SLC14A2: variants seen among roughly 807,000 people sequenced by gnomAD.
SLC14A2 encodes urea transporter 2.
A neutral mutation model predicts 104.6 loss-of-function variants in SLC14A2; 91 were observed. That is an observed-to-expected ratio of 0.87 (90% CI 0.73 to 1.04). The LOEUF (loss-of-function observed/expected upper bound fraction) is 1.04, where lower values mean the gene tolerates loss of function less well. SLC14A2 is among the 50% of genes least tolerant of loss of function. SLC14A2 has a pLI of 0.00. For synonymous variants in SLC14A2, 476 were observed against 466.4 expected, an observed-to-expected ratio of 1.02 and a Z score of -0.27; for missense variants, 1,189 against 1,156.0, an observed-to-expected ratio of 1.03 and a Z score of -0.41.
intron 1 of SLC14A2, among the ~76,000 whole-genome samples, chr18:45,340,691 A>C (rs1171928385): frequency 6.6e-6 from 1 of 152,216 alleles, no homozygotes; most frequent in East Asian, 1.9e-4. Flanking sequence ...TCTCTGCAAT[A>C]ATTGGTAGAG....
intron 1 of SLC14A2, among the ~76,000 whole-genome samples, chr18:45,464,095 C>G (rs1029719714): frequency 6.6e-6 from 1 of 152,224 alleles, no homozygotes; most frequent in African/African-American, 2.4e-5. Context: ...TTCCTGGAAG[C>G]TCAGTTTCCT....
chr18:45,445,275 C>A (rs1349203288), intron 1 of SLC14A2, among the ~76,000 whole-genome samples: 1 of 151,966 alleles, frequency 6.6e-6, no homozygotes, highest in East Asian at 1.9e-4. Flanking sequence ...CCATGCCTGG[C>A]TAATTTTTAT....
intron 1 of SLC14A2, among the ~76,000 whole-genome samples, chr18:45,409,703 G>T (rs1598769693): frequency 6.6e-6 from 1 of 152,064 alleles, no homozygotes; most frequent in South Asian, 2.1e-4. Context: ...GAAGCAAAAA[G>T]ATCAAGTAAA....
chr18:45,664,024 G>C, intron 11 of SLC14A2, 117 bp downstream of exon 11: 1 of 1,093,138 alleles, frequency 9.1e-7, no homozygotes, highest in South Asian at 1.6e-5. Flanking sequence ...AGTCAGACTT[G>C]ACCTCTCACA....
intron 2 of SLC14A2, among the ~76,000 whole-genome samples, chr18:45,532,016 T>C (rs1380623136): frequency 6.6e-6 from 1 of 152,214 alleles, no homozygotes; most frequent in South Asian, 2.1e-4. Context: ...GTTGTAGATA[T>C]GCGGCATTAT....
chr18:45,663,657 T>C (rs1476244522), intron 10 of SLC14A2, 128 bp from the exon 11 acceptor site: 2 of 964,662 alleles, frequency 2.1e-6, no homozygotes, highest in African/African-American at 1.6e-5. Context: ...ATGCAATGAC[T>C]ACTCCAGCTT....
chr18:45,360,919 C>T (rs2085603798), intron 1 of SLC14A2, among the ~76,000 whole-genome samples: 1 of 152,190 alleles, frequency 6.6e-6, no homozygotes, highest in South Asian at 2.1e-4. Context: ...CTTTTCCTCT[C>T]TCTTTGTCCC....
chr18:45,543,350 A>C (rs2043919609), intron 2 of SLC14A2, among the ~76,000 whole-genome samples: 1 of 152,036 alleles, frequency 6.6e-6, no homozygotes, highest in African/African-American at 2.4e-5. Flanking sequence ...ACATATATAT[A>C]AAATTATATT....
intron 17 of SLC14A2, 34 bp downstream of exon 17, chr18:45,673,081 G>A: frequency 6.2e-7 from 1 of 1,603,498 alleles, no homozygotes; most frequent in Non-Finnish European, 8.5e-7. Flanking sequence ...CTGTGAGGGG[G>A]TTAGAGCCTG....
intron 1 of SLC14A2, among the ~76,000 whole-genome samples, chr18:45,442,579 C>A (rs2086698301): frequency 6.6e-6 from 1 of 152,166 alleles, no homozygotes; most frequent in South Asian, 2.1e-4. Context: ...GCCCACCCTA[C>A]TCCATTATAA....
chr18:45,315,178 G>C (rs918262624), intron 1 of SLC14A2, among the ~76,000 whole-genome samples: 54 of 152,122 alleles, frequency 3.5e-4, no homozygotes, highest in African/African-American at 1.3e-3. Flanking sequence ...AACCTACAGG[G>C]GCCTCCAGAA....
At chr18:45,336,197 C>A (rs2144271049) in intron 1 of SLC14A2, among the ~76,000 whole-genome samples, 1 of 152,272 alleles carries the variant, frequency 6.6e-6, no homozygotes, top group Admixed American at 6.5e-5. Context: ...CCTGGACACC[C>A]ACTTTCTTGT....
At chr18:45,516,117 G>T (rs1197203810) in intron 2 of SLC14A2, among the ~76,000 whole-genome samples, 1 of 152,128 alleles carries the variant, frequency 6.6e-6, no homozygotes, top group East Asian at 1.9e-4. Flanking sequence ...CCAAGCATAA[G>T]GCTGTGTTGA....
At chr18:45,209,027 TAA>T (rs199687506), upstream of SLC14A2, among the ~76,000 whole-genome samples, 98,524 of 144,198 alleles carry the variant, frequency 0.68, 33,663 homozygotes, top group South Asian at 0.79. Context: ...AACAGGCATT[TAA>T]AAAAAAAAAA....
At chr18:45,308,279 T>G (rs1011844826) in intron 1 of SLC14A2, among the ~76,000 whole-genome samples, 3 of 152,184 alleles carry the variant, frequency 2.0e-5, no homozygotes, top group Non-Finnish European at 4.4e-5. Context: ...TGCATATTTT[T>G]CCACCTAAAA....
intron 1 of SLC14A2, among the ~76,000 whole-genome samples, chr18:45,265,902 C>G (rs915737456): frequency 4.6e-5 from 7 of 152,042 alleles, no homozygotes; most frequent in Non-Finnish European, 7.4e-5. Context: ...GAACAGTTAC[C>G]AAAATAAACA....
At position 45,236,348 on chromosome 18, in the gene SLC14A2, T is replaced by C. The variant is rs2084246595; in HGVS notation, c.-125+23157T>C. Among the ~76,000 whole-genome samples the C allele has an allele frequency of 5.8e-5, 2 of 34,624 alleles. 1 individual carries two copies. The highest frequency in any genetic ancestry group is 9.1e-5 in the Non-Finnish European group (2 of 22,070). 22.7% of individuals were successfully genotyped at this position (34,624 alleles called of 152,430 possible). ...ATGTATGTGTGTATATATGTGTATATATACATGTATGTGTGTATATATGTG... is the reference window on the plus strand; with the variant it reads ...ATGTATGTGTGTATATATGTGTATACATACATGTATGTGTGTATATATGTG... On this transcript the variant is annotated intron_variant, in intron 1 of 20. Transcript: ENST00000586448.
At chr18:45,377,888 C>T (rs758422255) in intron 1 of SLC14A2, among the ~76,000 whole-genome samples, 5 of 152,180 alleles carry the variant, frequency 3.3e-5, no homozygotes, top group Non-Finnish European at 7.3e-5. Context: ...TTACTTGCTA[C>T]AGCTACCTAC....
chr18:45,533,143 A>G (rs1347411356), intron 2 of SLC14A2, among the ~76,000 whole-genome samples: 2 of 152,184 alleles, frequency 1.3e-5, no homozygotes, highest in Non-Finnish European at 2.9e-5. Flanking sequence ...TATCAAGGAT[A>G]TTGGTCTAAA....
Sources: gnomAD v4.1 joint callset for allele counts (sites outside exome capture counted in the v4.1 genomes callset) on GRCh38, gnomAD v4.1.1 for gene constraint, MANE v1.5 for transcripts, NCBI Gene and HGNC (gene_info 2026-07-23, HGNC 2026-07-21) for gene names.